Variants in NFIB observed in about 807,000 individuals in gnomAD.
NFIB encodes nuclear factor 1 B-type.
Under a neutral mutation model 61.5 loss-of-function variants are expected in NFIB, and 11 were observed. The observed-to-expected ratio is 0.18, with a 90% CI of 0.11 to 0.30. The LOEUF is 0.30. NFIB is among the 10% of genes least tolerant of loss of function. NFIB has a pLI of 1.00. For synonymous variants in NFIB, 260 were observed against 216.5 expected, an observed-to-expected ratio of 1.20 and a Z score of -1.76; for missense variants, 471 against 608.9, an observed-to-expected ratio of 0.77 and a Z score of 2.38.
intron 2 of NFIB, among the ~76,000 whole-genome samples, chr9:14,229,476 G>A (rs1390517798): frequency 6.6e-6 from 1 of 152,038 alleles, no homozygotes; most frequent in African/African-American, 2.4e-5. Context: ...TACTAATTCT[G>A]GAATTAAAAA....
the NFIB span, among the ~76,000 whole-genome samples, chr9:14,521,776 A>C: frequency 6.6e-6 from 1 of 152,226 alleles, no homozygotes; most frequent in African/African-American, 2.4e-5. Context: ...TCCCTAAATG[A>C]TGCCTGTTTG....
chr9:14,423,476 T>C, the NFIB span, among the ~76,000 whole-genome samples: 2 of 152,214 alleles, frequency 1.3e-5, no homozygotes, highest in Non-Finnish European at 2.9e-5. Flanking sequence ...TTTTTTCCTC[T>C]TTTTTACTTA....
chr9:14,330,464 C>T (rs142480447), intron 1 of NFIB, among the ~76,000 whole-genome samples: 48 of 152,072 alleles, frequency 3.2e-4, no homozygotes, highest in African/African-American at 8.4e-4. Context: ...TTTTGAAAAA[C>T]GTTTTTTAAA....
intron 2 of NFIB, among the ~76,000 whole-genome samples, chr9:14,226,460 A>T (rs1369118828): frequency 4.0e-5 from 6 of 151,716 alleles, no homozygotes; most frequent in Non-Finnish European, 5.9e-5. Flanking sequence ...AGATGACAGG[A>T]TCTCTTGAAC....
chr9:14,378,356 T>G (rs1423856312), intron 1 of NFIB, among the ~76,000 whole-genome samples: 1 of 152,196 alleles, frequency 6.6e-6, no homozygotes, highest in Non-Finnish European at 1.5e-5. Context: ...CTTTTCTTTC[T>G]TTCGTTCTTT....
intron 2 of NFIB, among the ~76,000 whole-genome samples, chr9:14,265,300 C>A (rs546468516): frequency 2.0e-5 from 3 of 152,154 alleles, no homozygotes; most frequent in African/African-American, 7.2e-5. Context: ...TGTTGAAGCC[C>A]AACCCCAATG....
At chr9:14,140,907 C>T (rs1316487368) in intron 6 of NFIB, among the ~76,000 whole-genome samples, 4 of 152,158 alleles carry the variant, frequency 2.6e-5, no homozygotes, top group Admixed American at 2.6e-4. Flanking sequence ...TGCACTCCAT[C>T]CTGGGCAACA....
chr9:14,492,132 G>A, the NFIB span, among the ~76,000 whole-genome samples: 1 of 152,156 alleles, frequency 6.6e-6, no homozygotes, highest in South Asian at 2.1e-4. Context: ...GGAAGGCCAA[G>A]GCGGGTGGAT....
At chr9:14,248,801 G>A (rs1057153264) in intron 2 of NFIB, among the ~76,000 whole-genome samples, 1 of 152,164 alleles carries the variant, frequency 6.6e-6, no homozygotes, top group African/African-American at 2.4e-5. Context: ...AGTGAGGAAG[G>A]GAACATTTTC....
chr9:14,272,104 A>G (rs111635591), intron 2 of NFIB, among the ~76,000 whole-genome samples: 379 of 152,310 alleles, frequency 2.5e-3, no homozygotes, highest in African/African-American at 8.6e-3. Context: ...TCTCGTGATC[A>G]GTAACATTTT....
chr9:14,135,355 A>G (rs564658552), intron 6 of NFIB, among the ~76,000 whole-genome samples: 1 of 152,340 alleles, frequency 6.6e-6, no homozygotes, highest in South Asian at 2.1e-4. Flanking sequence ...TAGTTTAGGT[A>G]CTGGATATTG....
the NFIB span, among the ~76,000 whole-genome samples, chr9:14,415,040 G>A: frequency 2.0e-5 from 3 of 152,174 alleles, no homozygotes; most frequent in Admixed American, 6.5e-5. Flanking sequence ...CACTTCAGCT[G>A]GGTCTTTAGC....
At chr9:14,271,153 G>A (rs963900385) in intron 2 of NFIB, among the ~76,000 whole-genome samples, 22 of 148,120 alleles carry the variant, frequency 1.5e-4, no homozygotes, top group African/African-American at 4.5e-4. Flanking sequence ...AAGCACCAGC[G>A]TCCCATAGAA....
intron 1 of NFIB, among the ~76,000 whole-genome samples, chr9:14,366,547 A>G (rs2061302402): frequency 6.6e-6 from 1 of 151,738 alleles, no homozygotes; most frequent in African/African-American, 2.4e-5. Flanking sequence ...GTGCAGTGAC[A>G]TGATCTCAGC....
At chr9:14,422,401 G>A in the NFIB span, among the ~76,000 whole-genome samples, 2 of 152,156 alleles carry the variant, frequency 1.3e-5, no homozygotes, top group African/African-American at 4.8e-5. Context: ...TAATGTTTCT[G>A]GCCTGGTGCT....
rs1052446558 is a variant in NFIB, at chr9:14,194,830, A to G, written c.563-15050T>C. The stretch of plus-strand genomic sequence containing the variant: ...GTATTTGAAGGTCTGTTTGGAGCCA[A>G]TTTACACAAAATATCCACTTACCAA... On this transcript the variant is annotated intron_variant, in intron 2 of 10. Coordinates refer to ENST00000380953, the MANE Select transcript of NFIB (RefSeq NM_001190737.2). Among the ~76,000 whole-genome samples the G allele has an allele frequency of 2.0e-5, 3 of 152,266 alleles. No homozygotes were observed. The East Asian group carries it at 5.8e-4, about 29-fold the overall frequency.
intron 2 of NFIB, chr9:14,306,083 G>C (rs2060001596): frequency 3.3e-6 from 2 of 601,218 alleles, no homozygotes; most frequent in Admixed American, 3.9e-5. Flanking sequence ...CAAATATTCA[G>C]TAATAACATC....
At chr9:14,393,946 C>T (rs2061653597) in intron 1 of NFIB, among the ~76,000 whole-genome samples, 1 of 152,120 alleles carries the variant, frequency 6.6e-6, no homozygotes, top group Non-Finnish European at 1.5e-5. Flanking sequence ...CAACATGTTC[C>T]ATTCCTTCAA....
At chr9:14,161,417 G>T (rs1289981946) in intron 3 of NFIB, among the ~76,000 whole-genome samples, 2 of 151,832 alleles carry the variant, frequency 1.3e-5, no homozygotes, top group East Asian at 3.9e-4. Flanking sequence ...ATCTTGGAGG[G>T]AGTCAGAAAT....
Sources: allele counts gnomAD v4.1 joint callset (sites outside exome capture counted in the v4.1 genomes callset), GRCh38; gene constraint gnomAD v4.1.1; transcripts MANE v1.5; gene names NCBI Gene and HGNC (gene_info 2026-07-23, HGNC 2026-07-21).